The following SPMIP2 variants were observed in gnomAD, a reference collection of about 807,000 sequenced individuals.
SPMIP2 encodes sperm microtubule inner protein 2.
At chr4:158,967,381 C>G in the SPMIP2 span, among the ~76,000 whole-genome samples, 1 of 152,140 alleles carries the variant, frequency 6.6e-6, no homozygotes, top group Non-Finnish European at 1.5e-5. Flanking sequence ...AGACATATAA[C>G]TTTATACCAG....
At chr4:158,897,276 A>G in the SPMIP2 span, among the ~76,000 whole-genome samples, 2 of 152,150 alleles carry the variant, frequency 1.3e-5, no homozygotes, top group East Asian at 3.9e-4. Flanking sequence ...AGTCTTTGCT[A>G]TTGTGAATAC....
the SPMIP2 span, among the ~76,000 whole-genome samples, chr4:158,914,533 C>CT: frequency 2.0e-5 from 3 of 152,186 alleles, no homozygotes; most frequent in Non-Finnish European, 2.9e-5. Context: ...CTGTCAAACT[C>CT]TATTGAAAAA....
chr4:159,051,408 C>T, the SPMIP2 span, among the ~76,000 whole-genome samples: 1 of 152,160 alleles, frequency 6.6e-6, no homozygotes, highest in African/African-American at 2.4e-5. Context: ...AAGGATTACA[C>T]CCACCATTTC....
chr4:159,042,749 G>A, the SPMIP2 span, among the ~76,000 whole-genome samples: 1 of 152,058 alleles, frequency 6.6e-6, no homozygotes, highest in African/African-American at 2.4e-5. Context: ...TACAACCTCT[G>A]CCTTCTGGGT....
chr4:159,007,868 A>G, the SPMIP2 span: 1 of 522,192 alleles, frequency 1.9e-6, no homozygotes, highest in South Asian at 1.4e-5. Flanking sequence ...AATGACCTAT[A>G]TGTTGTGTGT....
the SPMIP2 span, among the ~76,000 whole-genome samples, chr4:159,067,788 A>G: frequency 6.6e-6 from 1 of 152,220 alleles, no homozygotes; most frequent in Non-Finnish European, 1.5e-5. Context: ...TCCAGAATCT[A>G]TAATGAACTC....
At chr4:159,007,296 C>A in the SPMIP2 span, 1 of 924,224 alleles carries the variant, frequency 1.1e-6, no homozygotes. Context: ...CCTGACTTCC[C>A]TCCGGGCCCC....
the SPMIP2 span, among the ~76,000 whole-genome samples, chr4:159,078,062 A>T: frequency 6.6e-6 from 1 of 152,350 alleles, no homozygotes; most frequent in Middle Eastern, 3.4e-3. Flanking sequence ...AGGACTGGGG[A>T]GACAGATATT....
chr4:159,002,119 G>C, the SPMIP2 span, among the ~76,000 whole-genome samples: 102 of 151,994 alleles, frequency 6.7e-4, no homozygotes, highest in African/African-American at 2.2e-3. Context: ...CCACATGTAT[G>C]TCTTCTTTAG....
chr4:159,001,437 T>A, the SPMIP2 span, among the ~76,000 whole-genome samples: 1 of 152,158 alleles, frequency 6.6e-6, no homozygotes, highest in Admixed American at 6.6e-5. Context: ...GGGTTTGTTG[T>A]ACAGATTGTC....
chr4:159,069,927 T>G, the SPMIP2 span, among the ~76,000 whole-genome samples: 1 of 152,174 alleles, frequency 6.6e-6, no homozygotes, highest in African/African-American at 2.4e-5. Context: ...GGAATCCTAA[T>G]AGCAGAGATT....
the SPMIP2 span, among the ~76,000 whole-genome samples, chr4:158,982,076 C>T: frequency 6.6e-5 from 10 of 152,026 alleles, no homozygotes; most frequent in Non-Finnish European, 1.0e-4. Context: ...TGCAATCCTA[C>T]TCTCTGATAA....
At chr4:159,032,660 A>T in the SPMIP2 span, among the ~76,000 whole-genome samples, 1 of 152,232 alleles carries the variant, frequency 6.6e-6, no homozygotes. Context: ...TTATTGGCTG[A>T]TGAAAATTAA....
At chr4:159,072,138 GC>G in the SPMIP2 span, among the ~76,000 whole-genome samples, 2 of 152,126 alleles carry the variant, frequency 1.3e-5, no homozygotes, top group African/African-American at 4.8e-5. Context: ...ACATGGCAAA[GC>G]CCCCGCTATA....
chr4:158,996,999 GA>G, the SPMIP2 span, among the ~76,000 whole-genome samples: 7 of 152,292 alleles, frequency 4.6e-5, no homozygotes, highest in East Asian at 1.2e-3. Context: ...AAAGGGAGAA[GA>G]GTGTGCTGGC....
At chr4:159,025,294 A>G in the SPMIP2 span, among the ~76,000 whole-genome samples, 1 of 152,120 alleles carries the variant, frequency 6.6e-6, no homozygotes, top group Non-Finnish European at 1.5e-5. Context: ...CCTTCCAAGT[A>G]GCTGGGATTA....
At chr4:159,025,799 C>T in the SPMIP2 span, among the ~76,000 whole-genome samples, 1 of 152,048 alleles carries the variant, frequency 6.6e-6, no homozygotes, top group Non-Finnish European at 1.5e-5. Flanking sequence ...AACCTTATAT[C>T]CCCCAAATTA....
chr4:158,940,021 T>G, the SPMIP2 span, among the ~76,000 whole-genome samples: 1 of 152,180 alleles, frequency 6.6e-6, no homozygotes, highest in African/African-American at 2.4e-5. Flanking sequence ...ACTACTGTAT[T>G]AGTTTGTTAG....
At chr4:159,037,785 T>TACACACACAC in the SPMIP2 span, among the ~76,000 whole-genome samples, 5 of 118,920 alleles carry the variant, frequency 4.2e-5, no homozygotes, top group African/African-American at 1.5e-4. Context: ...AAACAATATA[T>TACACACACAC]ACACACACAC....
Sources: allele counts gnomAD v4.1 joint callset (sites outside exome capture counted in the v4.1 genomes callset), GRCh38; gene constraint gnomAD v4.1.1; transcripts MANE v1.5; gene names NCBI Gene and HGNC (gene_info 2026-07-23, HGNC 2026-07-21).